C3: variants seen among roughly 807,000 people sequenced by gnomAD.
The protein encoded by C3 is complement C3.
In C3, 97 loss-of-function variants were observed where a neutral mutation model predicts 207.9. The observed-to-expected ratio is 0.47, with a 90% confidence interval of 0.40 to 0.55. The LOEUF (loss-of-function observed/expected upper bound fraction) is 0.55, where lower values mean the gene tolerates loss of function less well. Among genes scored for constraint, C3 ranks in the 20% least tolerant of loss-of-function variants. C3 has a pLI of 0.00. For synonymous variants in C3, 848 were observed against 857.6 expected (o/e 0.99, Z 0.20); for missense variants, 1,684 against 2,171.7 (o/e 0.78, Z 4.46).
At chr19:6,702,439 G>T in intron 18 of C3, 32 bp downstream of exon 18, 1 of 1,383,614 alleles carries the variant, frequency 7.2e-7, no homozygotes, top group African/African-American at 1.4e-5. Context: ...CTGACTCTGG[G>T]GTGGGTTGTA....
chr19:6,719,546 G>T lies in C3; in HGVS notation c.75-143C>A. The T allele has an allele frequency of 1.4e-6, 1 of 709,834 alleles. No individual in the cohort carries two copies. The highest frequency in any genetic ancestry group is 2.4e-6 in the Non-Finnish European group (1 of 411,878). The allele number at this position is 709,834 out of a possible 1,614,324, so 44.0% of individuals were successfully genotyped here. A position where few individuals can be genotyped will look rare whatever the true frequency, so the allele number is the denominator to read the frequency against. On this transcript the variant is annotated intron_variant, in intron 1 of 40. Coordinates refer to ENST00000245907, the MANE Select transcript of C3 (RefSeq NM_000064.4). This position sits in a 1 kb window ranked among gnomAD's most constrained non-coding sequence, Gnocchi z 5.4. ...AGTGACTGCCGGCGCACTTGCCAAT[G>T]CCATTATCTTCTCTGGGCACTGCCA...
chr19:6,680,021 G>A (rs893265774), intron 36 of C3, 137 bp downstream of exon 36: 78 of 702,722 alleles, frequency 1.1e-4, no homozygotes, highest in African/African-American at 9.2e-4. Flanking sequence ...CCTCAGACCC[G>A]TGGGACCTTC....
chr19:6,696,722 T>C, intron 21 of C3, 63 bp from the exon 22 acceptor site: 1 of 1,476,090 alleles, frequency 6.8e-7, no homozygotes, highest in South Asian at 1.1e-5. Flanking sequence ...GACACACAGA[T>C]GGTCAGCAGG....
In C3 at chr19:6,696,885, C is replaced by CA. The variant is rs527429525; in HGVS notation, c.2797-227dup. Reference sequence around the variant, plus strand: ...TGAAACCCTGTCTCTACTAAAAATACAAAAAAATTAGCCGGGCGTGGTGGC... The same window carrying CA: ...TGAAACCCTGTCTCTACTAAAAATACAAAAAAAATTAGCCGGGCGTGGTGGC... On this transcript the variant is annotated intron_variant, in intron 21 of 40. Coordinates refer to ENST00000245907, the MANE Select transcript of C3 (RefSeq NM_000064.4). Among the ~76,000 whole-genome samples, 70 of 150,892 alleles carry CA rather than the reference C, an allele frequency of 4.6e-4. 2 individuals carry two copies. In the South Asian group the frequency reaches 0.01, roughly 22 times the overall value.
intron 17 of C3, among the ~76,000 whole-genome samples, 170 bp downstream of exon 17, chr19:6,706,906 C>T: frequency 6.9e-6 from 1 of 145,848 alleles, no homozygotes; most frequent in East Asian, 2.0e-4. Context: ...GGGCCTCCTC[C>T]CCCCTGAGAC....
intron 7 of C3, 181 bp downstream of exon 7, chr19:6,713,787 CCACCTGGTCCCACCCCCAGCCCCT>C: frequency 3.7e-6 from 1 of 270,464 alleles, no homozygotes; most frequent in South Asian, 2.4e-5. Flanking sequence ...CCCCAGCCCC[CCACCTGGTCCCACCCCCAGCCCCT>C]CACCTTGCCC....
chr19:6,679,641 C>T (rs1917810151), intron 36 of C3, 145 bp from the exon 37 acceptor site: 1 of 709,946 alleles, frequency 1.4e-6, no homozygotes, highest in Non-Finnish European at 2.6e-6. Flanking sequence ...CCCCAAGACC[C>T]CCTCTACTTT....
At chr19:6,699,359 C>G (rs1004680035) in intron 19 of C3, among the ~76,000 whole-genome samples, 1 of 151,156 alleles carries the variant, frequency 6.6e-6, no homozygotes, top group African/African-American at 2.4e-5. Context: ...CAGGCTTGAG[C>G]CTTTGCACCC....
At chr19:6,706,957 T>G (rs1201057436) in intron 17 of C3, 119 bp downstream of exon 17, 90 of 189,774 alleles carry the variant, frequency 4.7e-4, no homozygotes, top group East Asian at 2.3e-3. Flanking sequence ...TCCTCCCCCC[T>G]CAGACAGCGG....
In C3 at chr19:6,684,610, G is replaced by A; in HGVS notation, c.4070C>T (p.Thr1357Ile). The A allele has an allele frequency of 1.9e-6, 3 of 1,614,110 alleles. No homozygotes were observed. The highest frequency in any genetic ancestry group is 2.2e-5 in the East Asian group (1 of 44,882). The change falls in exon 32 of 41, where the codon ACC (threonine) becomes ATC (isoleucine). Residue 1357 changes from threonine to isoleucine, a missense_variant. Physicochemically the swap from Thr to Ile is moderately conservative, Grantham distance 89. Coordinates refer to ENST00000245907, the MANE Select transcript of C3 (RefSeq NM_000064.4). ...GACCTTGAGGTCGAATTTATTACAG[G>A]TGAGTTGATCTTTGGCCTTAGCATG... Reference protein sequence around the residue: ...MYHAKAKDQLTCNKFDLKVTI... With the variant: ...MYHAKAKDQLICNKFDLKVTI...
intron 5 of C3, 39 bp downstream of exon 5, chr19:6,714,313 A>G: frequency 6.2e-7 from 1 of 1,604,918 alleles, no homozygotes; most frequent in Non-Finnish European, 8.5e-7. Context: ...CTCCGGGGAT[A>G]GGGGAGCCCT....
intron 13 of C3, among the ~76,000 whole-genome samples, chr19:6,710,268 G>C (rs1177122646): frequency 7.4e-6 from 1 of 135,786 alleles, no homozygotes; most frequent in Non-Finnish European, 1.6e-5. Context: ...GAGAGGGAGA[G>C]GGAAAGAGAG....
At chr19:6,699,960 T>C (rs1442430435) in intron 19 of C3, among the ~76,000 whole-genome samples, 1 of 149,408 alleles carries the variant, frequency 6.7e-6, no homozygotes, top group Non-Finnish European at 1.5e-5. Flanking sequence ...ACATCATTTA[T>C]ATTATATATC....
In C3 at chr19:6,718,231, C is replaced by T; in HGVS notation, c.433+16G>A. 1 of 1,614,128 alleles carries T rather than the reference C, an allele frequency of 6.2e-7. No homozygotes were observed. ...CACGCCGGTGCCCCGCCCTCTCCAG[C>T]CGCCCCCAGCCTCACCTGTGGAGCC... On this transcript the variant is annotated intron_variant, in intron 3 of 40. Transcript: ENST00000245907.
chr19:6,702,902 C>T (rs1187992068), intron 17 of C3: 8 of 345,618 alleles, frequency 2.3e-5, no homozygotes, highest in Non-Finnish European at 4.0e-5. Flanking sequence ...GGTGTGGTGG[C>T]GCGTGCCTGT....
intron 35 of C3, among the ~76,000 whole-genome samples, chr19:6,681,237 T>A (rs1917850260): frequency 6.6e-6 from 1 of 151,148 alleles, no homozygotes; most frequent in South Asian, 2.1e-4. Context: ...CAAACTTTTT[T>A]TTTTTTTAAT....
At position 6,677,865 on chromosome 19, in the gene C3, G is replaced by A. The variant is rs369677782; in HGVS notation, c.*17C>T. 8 of 1,613,616 alleles carry A rather than the reference G, an allele frequency of 5.0e-6. No individual in the cohort carries two copies. The highest frequency in any genetic ancestry group is 6.8e-6 in the Non-Finnish European group (8 of 1,179,972). ...TATAACTGAAGCTTTATCTGGAGTG[G>A]GGGAATGGGGGTGTGGTCAGTTGGG... On this transcript the variant is annotated 3_prime_UTR_variant, in exon 41 of 41. Transcript: ENST00000245907.
At chr19:6,702,081 C>A (rs1967686984) in intron 19 of C3, 46 bp downstream of exon 19, 2 of 1,008,164 alleles carry the variant, frequency 2.0e-6, no homozygotes, top group Admixed American at 3.4e-5. Flanking sequence ...CACTCAGACA[C>A]CCTGGGGTCC....
Position 6,718,076 on chromosome 19 carries a change from G to GC in C3, c.504+17dup. 1 of 1,613,282 alleles carries GC rather than the reference G, an allele frequency of 6.2e-7. No homozygotes were observed. Among genetic ancestry groups the GC allele is most frequent in the Non-Finnish European group, 8.5e-7 (1 of 1,179,268 alleles). ...AGCCTGTGCCCCTGCTTCCCCTGGG[G>GC]CCCCCTCTGGCTGGCACCTCAATGT... On this transcript the variant is annotated intron_variant, in intron 4 of 40. Coordinates refer to ENST00000245907, the MANE Select transcript of C3 (RefSeq NM_000064.4).
Sources: gnomAD v4.1 joint callset for allele counts (sites outside exome capture counted in the v4.1 genomes callset) on GRCh38, gnomAD v4.1.1 for gene constraint, Gnocchi (gnomAD v3.1) non-coding constraint, MANE v1.5 for transcripts, NCBI Gene and HGNC (gene_info 2026-07-23, HGNC 2026-07-21) for gene names.